Variants in SPATA7 observed in about 807,000 individuals in gnomAD.
SPATA7 encodes the protein spermatogenesis associated 7.
SPATA7 carries 43 observed loss-of-function variants against 51.8 expected under a neutral mutation model. The observed-to-expected ratio is 0.83, with a 90% CI of 0.65 to 1.07. SPATA7 has a LOEUF of 1.07. SPATA7 is among the 50% of genes least tolerant of loss of function. SPATA7 has a pLI of 0.00. For missense variants in SPATA7, 683 were observed against 701.3 expected, an observed-to-expected ratio of 0.97 and a Z score of 0.30; for synonymous variants, 230 against 252.8, an observed-to-expected ratio of 0.91 and a Z score of 0.86.
intron 4 of SPATA7, among the ~76,000 whole-genome samples, chr14:88,408,855 G>A (rs1485834468): frequency 2.0e-5 from 3 of 152,228 alleles, no homozygotes; most frequent in South Asian, 4.2e-4. Flanking sequence ...TTCTGCATCT[G>A]TTGAGGTAAT....
chr14:88,459,149 G>A (rs1175802659), downstream of SPATA7, among the ~76,000 whole-genome samples: 2 of 152,164 alleles, frequency 1.3e-5, no homozygotes, highest in Non-Finnish European at 2.9e-5. Context: ...CAGCTATGTG[G>A]TCAATTTTGG....
At chr14:88,390,322 C>T (rs2075706841) in intron 1 of SPATA7, among the ~76,000 whole-genome samples, 1 of 151,766 alleles carries the variant, frequency 6.6e-6, no homozygotes, top group Admixed American at 6.6e-5. Flanking sequence ...CATGGTTGGC[C>T]TCAGGTACTC....
At chr14:88,390,668 G>T (rs1051623982) in intron 1 of SPATA7, among the ~76,000 whole-genome samples, 1 of 152,148 alleles carries the variant, frequency 6.6e-6, no homozygotes, top group Non-Finnish European at 1.5e-5. Flanking sequence ...GGGAAGAGTC[G>T]CCCAAAGGAA....
Position 88,431,239 on chromosome 14 carries a change from T to C in SPATA7, c.1082+14T>C. 6.2e-7 allele frequency: 1 copy of C among 1,610,332 alleles called. No individual in the cohort carries two copies. Among genetic ancestry groups the C allele is most frequent in the South Asian group, 1.1e-5 (1 of 91,018 alleles). ...AATCTACTCTGAGTAAGATCTTTTT[T>C]AAGTCTTCGTTTTGCATAGTGGAAT... is the stretch of plus-strand genomic sequence containing the variant. On this transcript the variant is annotated intron_variant, in intron 9 of 11. Transcript: ENST00000393545.
At chr14:88,436,129 A>G (rs1448545317) in intron 10 of SPATA7, among the ~76,000 whole-genome samples, 1 of 152,032 alleles carries the variant, frequency 6.6e-6, no homozygotes, top group Non-Finnish European at 1.5e-5. Flanking sequence ...ATGATACCTC[A>G]TTGTAGTTTT....
chr14:88,441,978 T>C (rs2077181369), downstream of SPATA7, among the ~76,000 whole-genome samples: 1 of 152,188 alleles, frequency 6.6e-6, no homozygotes, highest in Admixed American at 6.5e-5. Flanking sequence ...TTTCAGGTCT[T>C]AGATTTAAGT....
At chr14:88,447,854 G>A (rs1210549159) in intron 3 of SPATA7, among the ~76,000 whole-genome samples, 103 of 152,202 alleles carry the variant, frequency 6.8e-4, no homozygotes, top group African/African-American at 2.4e-3. Context: ...CGAGAGATCC[G>A]CTGTTAGTCT....
intron 4 of SPATA7, among the ~76,000 whole-genome samples, chr14:88,401,076 G>A (rs73321848): frequency 0.035 from 5,369 of 152,234 alleles, 309 homozygotes; most frequent in African/African-American, 0.12. Flanking sequence ...ATATCTGATT[G>A]ATATAAGTGC....
chr14:88,396,977 A>G (rs1190081794), intron 4 of SPATA7, among the ~76,000 whole-genome samples: 1 of 151,410 alleles, frequency 6.6e-6, no homozygotes, highest in Non-Finnish European at 1.5e-5. Context: ...GGCTCAAGCA[A>G]TCCTCCCACC....
rs115490999 is a variant in SPATA7 at position 88,393,112 on chromosome 14, A to C, written c.95-281A>C. 2.3e-3 allele frequency among the ~76,000 whole-genome samples: 355 copies of C among 152,274 alleles called. 1 individual carries two copies. Among genetic ancestry groups the C allele is most frequent in the African/African-American group, 7.8e-3 (326 of 41,576 alleles). ...GAAGATTGAGAGCTGTCAAAAAAAA[A>C]ATAGTTCTGTAAATGTAATGACAGA... On this transcript the variant is annotated intron_variant, in intron 2 of 11. Coordinates refer to ENST00000393545, the MANE Select transcript of SPATA7 (RefSeq NM_018418.5).
At chr14:88,449,689 C>G (rs1021396788) in intron 3 of SPATA7, among the ~76,000 whole-genome samples, 2 of 151,940 alleles carry the variant, frequency 1.3e-5, no homozygotes, top group African/African-American at 4.8e-5. Context: ...AAGTCCCCCA[C>G]TATTACTGTA....
In SPATA7 at chr14:88,429,411, G is replaced by C. The variant is rs566037101; in HGVS notation, c.976G>C (p.Asp326His). The C allele has an allele frequency of 6.2e-6, 10 of 1,612,874 alleles. 1 individual carries two copies. In the South Asian group the frequency reaches 1.1e-4, roughly 18 times the overall value. The change falls in exon 8 of 12, where the codon GAC (aspartate) becomes CAC (histidine). Residue 326 changes from aspartate to histidine, a missense_variant. Transcript: ENST00000393545. ...AGCTCCTTTACCTTTAGAAGGGCAT[G>C]ACTCAACATGGGATGAGATTAAGGA... Reference protein sequence around the residue: ...KIAPLPLEGHDSTWDEIKDDA... With the variant: ...KIAPLPLEGHHSTWDEIKDDA...
At chr14:88,393,346 T>A in intron 2 of SPATA7, 47 bp from the exon 3 acceptor site, 1 of 1,295,240 alleles carries the variant, frequency 7.7e-7, no homozygotes, top group South Asian at 1.3e-5. Context: ...TATCTCATGA[T>A]TTTTATATTA....
At chr14:88,437,655 T>C in intron 11 of SPATA7, 58 bp downstream of exon 11, 1 of 1,454,620 alleles carries the variant, frequency 6.9e-7, no homozygotes, top group African/African-American at 1.4e-5. Context: ...AATTGTATGG[T>C]TTTTTTCATA....
chr14:88,432,382 T>A (rs2076965429), intron 9 of SPATA7, among the ~76,000 whole-genome samples: 2 of 152,210 alleles, frequency 1.3e-5, no homozygotes, highest in South Asian at 4.1e-4. Context: ...TTATATTTGC[T>A]TATTCAGTAA....
chr14:88,411,414 G>C (rs2076338020), intron 4 of SPATA7, among the ~76,000 whole-genome samples: 1 of 152,076 alleles, frequency 6.6e-6, no homozygotes, highest in African/African-American at 2.4e-5. Flanking sequence ...TGCCACTGGG[G>C]TATGGAAAAA....
intron 1 of SPATA7, among the ~76,000 whole-genome samples, chr14:88,388,201 C>CA (rs374662310): frequency 2.7e-4 from 41 of 149,558 alleles, no homozygotes; most frequent in South Asian, 1.5e-3. Context: ...GACTCCATCT[C>CA]AAAAAAAAAA....
intron 8 of SPATA7, 21 bp from the exon 9 acceptor site, chr14:88,431,151 A>C: frequency 6.2e-7 from 1 of 1,612,376 alleles, no homozygotes; most frequent in Non-Finnish European, 8.5e-7. Flanking sequence ...TTGCTCAACT[A>C]CTTTAACTTC....
chr14:88,406,983 C>A (rs970728891), intron 4 of SPATA7, among the ~76,000 whole-genome samples: 2 of 152,100 alleles, frequency 1.3e-5, no homozygotes, highest in African/African-American at 4.8e-5. Flanking sequence ...GTATATGTGC[C>A]ACATTTTCTT....
Sources: gnomAD v4.1 joint callset for allele counts (sites outside exome capture counted in the v4.1 genomes callset) on GRCh38, gnomAD v4.1.1 for gene constraint, MANE v1.5 for transcripts, NCBI Gene and HGNC (gene_info 2026-07-23, HGNC 2026-07-21) for gene names.